The following FYB1 variants were observed in gnomAD, a reference collection of about 807,000 sequenced individuals.
FYB1 encodes FYN-binding protein 1.
FYB1 carries 41 observed loss-of-function variants against 94.1 expected under a neutral mutation model. The ratio of observed to expected loss-of-function variants is 0.44; its 90% CI spans 0.34 to 0.57. FYB1 has a LOEUF of 0.57. Among genes scored for constraint, FYB1 ranks in the 20% least tolerant of loss-of-function variants. FYB1 has a pLI of 0.02. For synonymous variants in FYB1, 367 were observed against 353.2 expected, an observed-to-expected ratio of 1.04 and a Z score of -0.44; for missense variants, 1,050 against 976.8, an observed-to-expected ratio of 1.07 and a Z score of -1.00.
chr5:39,146,222 T>G (rs983754210), intron 3 of FYB1, among the ~76,000 whole-genome samples: 6 of 152,100 alleles, frequency 3.9e-5, no homozygotes, highest in African/African-American at 1.4e-4. Flanking sequence ...GCCTCCATTC[T>G]TTAAGCCTCT....
At chr5:39,242,542 G>A (rs10051124) in intron 1 of FYB1, among the ~76,000 whole-genome samples, 25,434 of 151,690 alleles carry the variant, frequency 0.17, 5,705 homozygotes, top group African/African-American at 0.5. Context: ...TCTATCATTG[G>A]TGGACATTTG....
chr5:39,186,724 A>G (rs1177272740), intron 2 of FYB1, among the ~76,000 whole-genome samples: 1 of 125,146 alleles, frequency 8.0e-6, no homozygotes, highest in Admixed American at 1.0e-4. Flanking sequence ...ATCTATTTCC[A>G]TTGGGTCTTT....
chr5:39,274,081 C>T (rs571364688), intron 1 of FYB1, among the ~76,000 whole-genome samples: 1 of 152,210 alleles, frequency 6.6e-6, no homozygotes, highest in East Asian at 1.9e-4. Context: ...TGTGCCACCA[C>T]ACCTGGCTAA....
At chr5:39,243,388 T>G (rs1370812823) in intron 1 of FYB1, among the ~76,000 whole-genome samples, 2 of 151,634 alleles carry the variant, frequency 1.3e-5, no homozygotes, top group East Asian at 3.9e-4. Context: ...CACCATTTAT[T>G]AAATAGGGAA....
intron 2 of FYB1, among the ~76,000 whole-genome samples, chr5:39,163,759 A>G (rs1334899828): frequency 6.6e-6 from 1 of 152,248 alleles, no homozygotes; most frequent in Non-Finnish European, 1.5e-5. Flanking sequence ...ATGTCAGCAT[A>G]TAAGAAAAGT....
intron 1 of FYB1, among the ~76,000 whole-genome samples, chr5:39,214,561 AAAGG>A (rs2150534230): frequency 6.6e-6 from 1 of 152,354 alleles, no homozygotes; most frequent in African/African-American, 2.4e-5. Context: ...TCAGTCTTAA[AAAGG>A]AAGGAAATTC....
chr5:39,141,268 C>T, intron 3 of FYB1, 127 bp from the exon 4 acceptor site: 1 of 692,168 alleles, frequency 1.4e-6, no homozygotes, highest in Admixed American at 2.7e-5. Context: ...TTTAAAGCTT[C>T]AGACATCACT....
intron 15 of FYB1, 63 bp downstream of exon 15, chr5:39,119,472 T>C (rs1739881833): frequency 1.6e-6 from 2 of 1,243,412 alleles, no homozygotes; most frequent in East Asian, 5.6e-5. Flanking sequence ...TTTTTGTTAC[T>C]TAAAAATCAT....
At chr5:39,238,897 G>T (rs1277094337) in intron 1 of FYB1, among the ~76,000 whole-genome samples, 2 of 152,082 alleles carry the variant, frequency 1.3e-5, no homozygotes, top group African/African-American at 4.8e-5. Flanking sequence ...GTGAGAACAT[G>T]CTGGGTATTT....
At chr5:39,129,393 G>A (rs1740983159) in intron 10 of FYB1, among the ~76,000 whole-genome samples, 1 of 152,004 alleles carries the variant, frequency 6.6e-6, no homozygotes, top group Non-Finnish European at 1.5e-5. Flanking sequence ...CAAGACATTG[G>A]TCTAGGTAGA....
chr5:39,110,837 A>G, intron 16 of FYB1: 1 of 337,846 alleles, frequency 3.0e-6, no homozygotes, highest in Non-Finnish European at 5.7e-6. Flanking sequence ...CAGAGAGAGA[A>G]CTGTATTCAA....
rs560533264 is a variant in FYB1 at position 39,182,725 on chromosome 5, A to G, written c.1135+19101T>C. Among the ~76,000 whole-genome samples, 10 of 152,278 alleles carry G rather than the reference A, an allele frequency of 6.6e-5. 1 individual carries two copies. The South Asian group carries it at 2.1e-3, about 32-fold the overall frequency. ...TGATGTCAAATATATTTAGTAGAAT[A>G]AAGTGCCCAGTGGAGGCAGAGGAGT... On this transcript the variant is annotated intron_variant, in intron 2 of 18. Coordinates refer to ENST00000512982, the MANE Select transcript of FYB1 (RefSeq NM_001465.6).
At chr5:39,107,737 G>A (rs1580277741) in intron 18 of FYB1, among the ~76,000 whole-genome samples, 1 of 151,862 alleles carries the variant, frequency 6.6e-6, no homozygotes, top group African/African-American at 2.4e-5. Flanking sequence ...ATACTTTTTG[G>A]TAGTCACTCT....
chr5:39,228,525 T>C (rs75561326), intron 1 of FYB1, among the ~76,000 whole-genome samples: 25,113 of 151,992 alleles, frequency 0.17, 5,559 homozygotes, highest in African/African-American at 0.49. Flanking sequence ...TTGTCACCTA[T>C]AGTAATGTGT....
At chr5:39,220,779 A>G (rs1216221029), upstream of FYB1, among the ~76,000 whole-genome samples, 1 of 152,218 alleles carries the variant, frequency 6.6e-6, no homozygotes, top group Non-Finnish European at 1.5e-5. Flanking sequence ...CTTCTTATAG[A>G]GTAGTAGGGT....
chr5:39,226,952 T>C (rs1265354314), intron 1 of FYB1, among the ~76,000 whole-genome samples: 2 of 152,230 alleles, frequency 1.3e-5, no homozygotes, highest in African/African-American at 4.8e-5. Flanking sequence ...AATACACTAA[T>C]ATTGGCTGAG....
intron 1 of FYB1, among the ~76,000 whole-genome samples, chr5:39,259,293 T>C (rs1055522574): frequency 3.3e-5 from 5 of 152,166 alleles, no homozygotes; most frequent in African/African-American, 1.2e-4. Context: ...GAAACCCAGT[T>C]CCAGAACAAG....
intron 2 of FYB1, among the ~76,000 whole-genome samples, chr5:39,177,344 T>G (rs75484972): frequency 0.02 from 3,113 of 152,276 alleles, 103 homozygotes; most frequent in African/African-American, 0.07. Flanking sequence ...GTCCGTAACC[T>G]ACCTGTTCCT....
intron 1 of FYB1, among the ~76,000 whole-genome samples, chr5:39,204,449 T>C (rs752023188): frequency 6.6e-6 from 1 of 152,230 alleles, no homozygotes; most frequent in Non-Finnish European, 1.5e-5. Flanking sequence ...ATTTGTAAAA[T>C]GCCTGTCTGG....
Sources: allele counts gnomAD v4.1 joint callset (sites outside exome capture counted in the v4.1 genomes callset), GRCh38; gene constraint gnomAD v4.1.1; transcripts MANE v1.5; gene names NCBI Gene and HGNC (gene_info 2026-07-23, HGNC 2026-07-21).